PIEZO2: variants seen among roughly 807,000 people sequenced by gnomAD.
PIEZO2 encodes the protein piezo-type mechanosensitive ion channel component 2.
Under a neutral mutation model 337.3 loss-of-function variants are expected in PIEZO2, and 172 were observed. The observed-to-expected ratio is 0.51, with a 90% CI of 0.45 to 0.58. The LOEUF (loss-of-function observed/expected upper bound fraction) is 0.58. PIEZO2 is among the 20% of genes least tolerant of loss of function. PIEZO2 has a pLI of 0.00. For missense variants in PIEZO2, 3,028 were observed against 3,391.3 expected (o/e 0.89, Z 2.66); for synonymous variants, 1,251 against 1,228.5 (o/e 1.02, Z -0.38).
At chr18:11,010,753 CT>C (rs2035869438) in intron 2 of PIEZO2, among the ~76,000 whole-genome samples, 1 of 152,188 alleles carries the variant, frequency 6.6e-6, no homozygotes, top group Admixed American at 6.5e-5. Flanking sequence ...CAAGCCATTA[CT>C]TTGCCCTTCA....
rs1378459315 is a variant in PIEZO2, at chr18:10,781,864, T to C, written c.2493-1498A>G. On this transcript the variant is annotated intron_variant, in intron 17 of 55. Coordinates refer to ENST00000674853, the MANE Select transcript of PIEZO2 (RefSeq NM_001378183.1). The surrounding 1 kb of genome is among the most constrained non-coding windows in gnomAD (Gnocchi z 4.1). ...GAGCGAATCGGTTATTCCTGATCTG[T>C]GGGCCATTTCTTGTAAAGCAACTGT... Among the ~76,000 whole-genome samples the C allele has an allele frequency of 6.6e-6, 1 of 152,058 alleles. No individual in the cohort carries two copies. Among genetic ancestry groups the C allele is most frequent in the Non-Finnish European group, 1.5e-5 (1 of 67,996 alleles).
Position 11,148,592 on chromosome 18 carries a change from G to C in PIEZO2, c.-4C>G. 1 of 1,537,080 alleles carries C rather than the reference G, an allele frequency of 6.5e-7. No individual in the cohort carries two copies. Among genetic ancestry groups the C allele is most frequent in the Non-Finnish European group, 8.7e-7 (1 of 1,146,870 alleles). ...CGCACACCACTTCTGAGGCCATCGC[G>C]TCGGTCCGGCGAGTCGGAGCAGAGG... On this transcript the variant is annotated 5_prime_UTR_variant, in exon 1 of 56. Transcript: ENST00000674853. This position sits in a 1 kb window ranked among gnomAD's most constrained non-coding sequence, Gnocchi z 5.2.
chr18:10,879,279 T>C (rs1037189116), intron 4 of PIEZO2, among the ~76,000 whole-genome samples: 2 of 152,082 alleles, frequency 1.3e-5, no homozygotes, highest in Admixed American at 1.3e-4. Context: ...TAAAATGACC[T>C]AAGCTGCACT....
intron 47 of PIEZO2, among the ~76,000 whole-genome samples, chr18:10,692,335 G>T (rs1034264858): frequency 1.3e-5 from 2 of 152,108 alleles, no homozygotes; most frequent in African/African-American, 4.8e-5. Flanking sequence ...CTTTTGACTT[G>T]GTAAGAGTTT....
chr18:11,023,636 G>C (rs925977694), intron 2 of PIEZO2, among the ~76,000 whole-genome samples: 2 of 152,254 alleles, frequency 1.3e-5, no homozygotes, highest in South Asian at 2.1e-4. Flanking sequence ...TGCCAGTCCC[G>C]TGCCGTGTGC....
chr18:11,052,868 A>T (rs996338146), intron 2 of PIEZO2, among the ~76,000 whole-genome samples: 1 of 152,236 alleles, frequency 6.6e-6, no homozygotes, highest in Non-Finnish European at 1.5e-5. Context: ...GCATACTCAC[A>T]TTATCTCTCC....
Position 11,035,442 on chromosome 18 carries a change from C to G in PIEZO2, c.160+30685G>C, listed in dbSNP as rs74463441. 0.013 allele frequency among the ~76,000 whole-genome samples: 2,010 copies of G among 152,172 alleles called. 57 individuals are homozygous for G. The highest frequency in any genetic ancestry group is 0.046 in the African/African-American group (1,890 of 41,506). Reference sequence around the variant, plus strand: ...GTCTTGACCAGAAGAACGCCAGTGCCGTGCTTGCACAGCCTGCAGGACCAT... The same window carrying G: ...GTCTTGACCAGAAGAACGCCAGTGCGGTGCTTGCACAGCCTGCAGGACCAT... On this transcript the variant is annotated intron_variant, in intron 2 of 55. Coordinates refer to ENST00000674853, the MANE Select transcript of PIEZO2 (RefSeq NM_001378183.1). This position sits in a 1 kb window ranked among gnomAD's most constrained non-coding sequence, Gnocchi z 4.3.
At chr18:10,810,438 C>G (rs2040153284) in intron 7 of PIEZO2, among the ~76,000 whole-genome samples, 1 of 152,190 alleles carries the variant, frequency 6.6e-6, no homozygotes, top group South Asian at 2.1e-4. Flanking sequence ...CCTCTAATTT[C>G]TCTTCTCTGC....
chr18:11,037,822 C>T (rs1292109249), intron 2 of PIEZO2, among the ~76,000 whole-genome samples: 1 of 152,178 alleles, frequency 6.6e-6, no homozygotes, highest in Non-Finnish European at 1.5e-5. Flanking sequence ...GATTCTATGT[C>T]AAAGTAACAG....
intron 7 of PIEZO2, among the ~76,000 whole-genome samples, chr18:10,843,289 A>G (rs1367357701): frequency 1.3e-5 from 2 of 152,020 alleles, no homozygotes; most frequent in Non-Finnish European, 2.9e-5. Context: ...GTTTCTCAAA[A>G]GATCTCTTTA....
At chr18:10,842,918 T>C (rs754275390) in intron 7 of PIEZO2, among the ~76,000 whole-genome samples, 14 of 152,250 alleles carry the variant, frequency 9.2e-5, no homozygotes, top group Non-Finnish European at 1.9e-4. Flanking sequence ...TAGCAAATTC[T>C]GTAGGGAAAA....
Position 10,676,507 on chromosome 18 carries a change from A to T in PIEZO2, c.8082-1219T>A, listed in dbSNP as rs1221184577. 2.6e-5 allele frequency among the ~76,000 whole-genome samples: 4 copies of T among 152,200 alleles called. No individual in the cohort carries two copies. Among genetic ancestry groups the T allele is most frequent in the African/African-American group, 9.7e-5 (4 of 41,438 alleles). On this transcript the variant is annotated intron_variant, in intron 53 of 55. Coordinates refer to ENST00000674853, the MANE Select transcript of PIEZO2 (RefSeq NM_001378183.1). The surrounding 1 kb of genome is among the most constrained non-coding windows in gnomAD (Gnocchi z 5.1). ...GGCAGGATAGTATTTTGAGATATAT[A>T]ATATGTTTTTTTCCAAATTTCCTTT...
rs1198123844 is a variant in PIEZO2, at chr18:11,028,330, G to A, written c.160+37797C>T. Among the ~76,000 whole-genome samples, 7 of 151,346 alleles carry A rather than the reference G, an allele frequency of 4.6e-5. No individual in the cohort carries two copies. The highest frequency in any genetic ancestry group is 1.5e-4 in the African/African-American group (6 of 41,108). ...TGCTGGAGTGCAATGGCGTGATCTCGGCTCATTGCAACCTCTGCCTCCCAG... is the reference window on the plus strand; with the variant it reads ...TGCTGGAGTGCAATGGCGTGATCTCAGCTCATTGCAACCTCTGCCTCCCAG... On this transcript the variant is annotated intron_variant, in intron 2 of 55. Transcript: ENST00000674853. This position sits in a 1 kb window ranked among gnomAD's most constrained non-coding sequence, Gnocchi z 4.8.
chr18:10,874,468 A>G (rs958847824), intron 4 of PIEZO2, among the ~76,000 whole-genome samples: 40 of 152,182 alleles, frequency 2.6e-4, no homozygotes, highest in African/African-American at 9.6e-4. Flanking sequence ...CTAGGTATAT[A>G]CTCAAAAGAA....
chr18:10,797,218 A>AC (rs1442040765), intron 12 of PIEZO2, among the ~76,000 whole-genome samples, 156 bp downstream of exon 12: 1 of 150,702 alleles, frequency 6.6e-6, no homozygotes, highest in African/African-American at 2.4e-5. Flanking sequence ...TATCTTACAT[A>AC]CCATCATATA....
At chr18:11,049,532 A>C (rs557596957) in intron 2 of PIEZO2, among the ~76,000 whole-genome samples, 1 of 152,190 alleles carries the variant, frequency 6.6e-6, no homozygotes, top group South Asian at 2.1e-4. Context: ...GCAGCATTTA[A>C]ATAAAAGGTG....
At chr18:11,006,324 T>C (rs1042598990) in intron 2 of PIEZO2, among the ~76,000 whole-genome samples, 3 of 152,220 alleles carry the variant, frequency 2.0e-5, no homozygotes, top group African/African-American at 7.2e-5. Flanking sequence ...GCAGGCAGCA[T>C]ACAATAAATA....
intron 35 of PIEZO2, among the ~76,000 whole-genome samples, chr18:10,733,258 A>G (rs563553217): frequency 5.3e-5 from 8 of 152,048 alleles, no homozygotes; most frequent in Non-Finnish European, 1.2e-4. Flanking sequence ...GAAAACGGAG[A>G]GAGGAGGGAG....
intron 8 of PIEZO2, among the ~76,000 whole-genome samples, chr18:10,805,335 G>A (rs1026244190): frequency 4.6e-5 from 7 of 152,250 alleles, no homozygotes; most frequent in Admixed American, 1.3e-4. Flanking sequence ...CCAACATGGC[G>A]AAACCCCGTC....
Sources: allele counts gnomAD v4.1 joint callset (sites outside exome capture counted in the v4.1 genomes callset), GRCh38; gene constraint gnomAD v4.1.1; non-coding constraint Gnocchi (gnomAD v3.1); transcripts MANE v1.5; gene names NCBI Gene and HGNC (gene_info 2026-07-23, HGNC 2026-07-21).